Variants in VRK2 observed in about 807,000 individuals in gnomAD.
VRK2 encodes VRK serine/threonine kinase 2.
Under a neutral mutation model 57.6 loss-of-function variants are expected in VRK2, and 60 were observed. The ratio of observed to expected loss-of-function variants is 1.04; its 90% CI spans 0.85 to 1.29. The LOEUF (loss-of-function observed/expected upper bound fraction) is 1.29. Ranked by LOEUF, VRK2 falls within the 50% of genes most tolerant of loss-of-function variation. VRK2 has a pLI of 0.00. For synonymous variants in VRK2, 231 were observed against 199.2 expected, an observed-to-expected ratio of 1.16 and a Z score of -1.35; for missense variants, 705 against 588.1, an observed-to-expected ratio of 1.20 and a Z score of -2.06.
intron 1 of VRK2, among the ~76,000 whole-genome samples, chr2:57,966,768 G>C (rs1187635439): frequency 1.3e-5 from 2 of 152,102 alleles, no homozygotes; most frequent in Non-Finnish European, 1.5e-5. Flanking sequence ...TTTTAAGAGA[G>C]TTACTAGTTT....
chr2:58,156,281 G>A (rs1683829576), intron 12 of VRK2, among the ~76,000 whole-genome samples: 1 of 151,742 alleles, frequency 6.6e-6, no homozygotes. Flanking sequence ...CATTTATAAT[G>A]TATTTCTTTC....
chr2:58,009,805 C>A (rs1374005209), intron 1 of VRK2, among the ~76,000 whole-genome samples: 1 of 151,972 alleles, frequency 6.6e-6, no homozygotes, highest in African/African-American at 2.4e-5. Context: ...TTTAAGCCTA[C>A]GCTTTACTTA....
intron 7 of VRK2, among the ~76,000 whole-genome samples, chr2:58,121,733 C>T (rs1677541589): frequency 6.6e-6 from 1 of 152,248 alleles, no homozygotes; most frequent in African/African-American, 2.4e-5. Flanking sequence ...GGTAAATACT[C>T]TATTGTCTTG....
intron 1 of VRK2, among the ~76,000 whole-genome samples, chr2:58,004,345 T>G (rs79222618): frequency 6.6e-6 from 1 of 152,286 alleles, no homozygotes; most frequent in Non-Finnish European, 1.5e-5. Context: ...TTTTCTAAAA[T>G]GTATTACTGA....
chr2:58,110,785 G>A (rs1675435375), intron 7 of VRK2, among the ~76,000 whole-genome samples: 1 of 152,164 alleles, frequency 6.6e-6, no homozygotes, highest in South Asian at 2.1e-4. Flanking sequence ...GAATTGAGGA[G>A]GGAGAGCTTC....
intron 1 of VRK2, among the ~76,000 whole-genome samples, chr2:58,007,473 C>T (rs191875090): frequency 2.0e-5 from 3 of 151,730 alleles, no homozygotes; most frequent in Admixed American, 1.3e-4. Flanking sequence ...CCCTACATAA[C>T]GTAAAGATGA....
chr2:57,921,626 G>A (rs1299621715), intron 1 of VRK2, among the ~76,000 whole-genome samples: 1 of 152,052 alleles, frequency 6.6e-6, no homozygotes, highest in Non-Finnish European at 1.5e-5. Context: ...ATTTTGAAAG[G>A]TGCCTCTACA....
In VRK2 at chr2:58,015,144, G is replaced by A. The variant is rs141181463; in HGVS notation, c.-438-10521G>A. Among the ~76,000 whole-genome samples, 671 of 152,118 alleles carry A rather than the reference G, an allele frequency of 4.4e-3. 4 individuals carry two copies. Among genetic ancestry groups the A allele is most frequent in the African/African-American group, 0.015 (632 of 41,504 alleles). On this transcript the variant is annotated intron_variant, in intron 1 of 15. Transcript: ENST00000417641. ...AGGAATATTTAGCTTATATTTCTCT[G>A]CCAAATCAAGAACACCTATTAAGTC... is the stretch of plus-strand genomic sequence containing the variant.
chr2:58,006,349 G>A (rs1407386148), intron 1 of VRK2, among the ~76,000 whole-genome samples: 1 of 152,124 alleles, frequency 6.6e-6, no homozygotes, highest in African/African-American at 2.4e-5. Context: ...CCCACAGTGA[G>A]TAAATTAAAA....
intron 7 of VRK2, among the ~76,000 whole-genome samples, chr2:58,107,468 T>G (rs998505428): frequency 6.6e-6 from 1 of 152,146 alleles, no homozygotes; most frequent in Non-Finnish European, 1.5e-5. Context: ...CTTGCCATTT[T>G]TAATAGTCAT....
chr2:58,071,601 A>G (rs1001224401), intron 2 of VRK2, among the ~76,000 whole-genome samples: 2 of 151,958 alleles, frequency 1.3e-5, no homozygotes, highest in Admixed American at 6.6e-5. Context: ...CTGCCTATTT[A>G]TATTTGACTA....
At chr2:58,064,175 T>C (rs192283830) in intron 2 of VRK2, among the ~76,000 whole-genome samples, 2 of 152,242 alleles carry the variant, frequency 1.3e-5, no homozygotes, top group African/African-American at 4.8e-5. Context: ...TTTAGAGTAT[T>C]ACATAAATTT....
intron 1 of VRK2, among the ~76,000 whole-genome samples, chr2:57,921,511 T>G (rs1337237201): frequency 6.6e-6 from 1 of 152,066 alleles, no homozygotes; most frequent in Non-Finnish European, 1.5e-5. Context: ...AACATTGTTC[T>G]GAATTTTCCC....
chr2:57,993,257 T>C (rs1672825077), intron 1 of VRK2, among the ~76,000 whole-genome samples: 2 of 152,334 alleles, frequency 1.3e-5, no homozygotes, highest in South Asian at 2.1e-4. Flanking sequence ...GTTCCAGTAC[T>C]GTAACACAAT....
chr2:57,968,954 T>G (rs1440778383), intron 1 of VRK2, among the ~76,000 whole-genome samples: 47 of 152,120 alleles, frequency 3.1e-4, no homozygotes, highest in Admixed American at 3.1e-3. Context: ...CTTTAAAATC[T>G]CTCTTAAAAT....
At chr2:57,969,319 A>T (rs114029884) in intron 1 of VRK2, among the ~76,000 whole-genome samples, 1,780 of 152,136 alleles carry the variant, frequency 0.012, 32 homozygotes, top group African/African-American at 0.041. Flanking sequence ...TTTTTTTTTG[A>T]ATTGCAAGAA....
chr2:58,004,265 G>A (rs564929229), intron 1 of VRK2, among the ~76,000 whole-genome samples: 2 of 152,108 alleles, frequency 1.3e-5, no homozygotes, highest in South Asian at 2.1e-4. Context: ...TCCTACCAAG[G>A]TAGTTCTTGA....
intron 1 of VRK2, among the ~76,000 whole-genome samples, chr2:57,985,907 T>C (rs934434549): frequency 5.3e-5 from 8 of 152,064 alleles, no homozygotes; most frequent in African/African-American, 1.9e-4. Flanking sequence ...CAATGAACAA[T>C]TGCAAATTCA....
At chr2:57,972,182 A>G (rs1672116320) in intron 1 of VRK2, among the ~76,000 whole-genome samples, 1 of 151,850 alleles carries the variant, frequency 6.6e-6, no homozygotes, top group Non-Finnish European at 1.5e-5. Flanking sequence ...GGTGTTCATT[A>G]CTATCAAGTT....
Sources: gnomAD v4.1 joint callset for allele counts (sites outside exome capture counted in the v4.1 genomes callset) on GRCh38, gnomAD v4.1.1 for gene constraint, MANE v1.5 for transcripts, NCBI Gene and HGNC (gene_info 2026-07-23, HGNC 2026-07-21) for gene names.